Variants in SNTG1 observed in about 807,000 individuals in gnomAD.
SNTG1 encodes the protein gamma-1-syntrophin.
A neutral mutation model predicts 74.7 loss-of-function variants in SNTG1; 39 were observed. The observed-to-expected ratio is 0.52, with a 90% CI of 0.40 to 0.68. SNTG1 has a LOEUF of 0.68. Ranked by LOEUF, SNTG1 falls within the 30% of genes least tolerant of loss-of-function variation. The pLI, the probability that SNTG1 is intolerant of heterozygous loss-of-function variation, is 0.00. For synonymous variants in SNTG1, 254 were observed against 217.1 expected (o/e 1.17, Z -1.49); for missense variants, 685 against 609.5 (o/e 1.12, Z -1.30).
At chr8:50,210,149 G>A (rs2084446483) in intron 2 of SNTG1, among the ~76,000 whole-genome samples, 1 of 152,124 alleles carries the variant, frequency 6.6e-6, no homozygotes, top group Non-Finnish European at 1.5e-5. Context: ...TCAAATGAAT[G>A]AAATGAAGTG....
intron 9 of SNTG1, among the ~76,000 whole-genome samples, chr8:50,509,740 G>C (rs1253713727): frequency 6.6e-6 from 1 of 151,760 alleles, no homozygotes; most frequent in African/African-American, 2.4e-5. Flanking sequence ...TGTGTAAGAA[G>C]GCTTGTGAGT....
intron 1 of SNTG1, among the ~76,000 whole-genome samples, chr8:49,927,716 A>G (rs1212774610): frequency 1.3e-5 from 2 of 152,164 alleles, no homozygotes; most frequent in Non-Finnish European, 2.9e-5. Context: ...ATAGATTTTT[A>G]TCACAGTAAA....
chr8:50,380,462 T>C (rs2092462111), intron 2 of SNTG1, among the ~76,000 whole-genome samples: 1 of 152,228 alleles, frequency 6.6e-6, no homozygotes, highest in Non-Finnish European at 1.5e-5. Context: ...GATAACATTT[T>C]TCTCTTCAGT....
chr8:49,921,480 A>G (rs1183053406), intron 1 of SNTG1, among the ~76,000 whole-genome samples: 1 of 152,144 alleles, frequency 6.6e-6, no homozygotes, highest in Non-Finnish European at 1.5e-5. Context: ...CAGTAGAAAG[A>G]TCACGTTCAT....
At chr8:50,095,968 AT>A (rs2079910731) in intron 1 of SNTG1, among the ~76,000 whole-genome samples, 4 of 87,294 alleles carry the variant, frequency 4.6e-5, no homozygotes, top group African/African-American at 1.9e-4. Flanking sequence ...TATCTTAATT[AT>A]TATTACCTGA....
intron 1 of SNTG1, among the ~76,000 whole-genome samples, chr8:50,027,047 C>G (rs1817328489): frequency 6.6e-6 from 1 of 152,102 alleles, no homozygotes; most frequent in Non-Finnish European, 1.5e-5. Flanking sequence ...CCACTTCTAG[C>G]CTCCTTTCTT....
intron 1 of SNTG1, among the ~76,000 whole-genome samples, chr8:50,027,308 T>C (rs1321655267): frequency 1.3e-5 from 2 of 152,286 alleles, no homozygotes; most frequent in Non-Finnish European, 2.9e-5. Context: ...TCTCATCAGC[T>C]GGTAACCAGG....
chr8:50,134,142 G>A (rs1197522237), intron 1 of SNTG1, among the ~76,000 whole-genome samples: 1 of 152,180 alleles, frequency 6.6e-6, no homozygotes, highest in Non-Finnish European at 1.5e-5. Context: ...TAGTATCAGT[G>A]TTGGTGGTGG....
intron 13 of SNTG1, among the ~76,000 whole-genome samples, chr8:50,604,897 T>C (rs79915279): frequency 5.1e-4 from 77 of 152,268 alleles, no homozygotes; most frequent in South Asian, 2.7e-3. Context: ...CCAAAGGCCA[T>C]GGCATACGAA....
chr8:50,187,841 C>T (rs1348057160), intron 2 of SNTG1, among the ~76,000 whole-genome samples: 1 of 152,188 alleles, frequency 6.6e-6, no homozygotes. Flanking sequence ...CAAAGCTCTG[C>T]CCTTCCATGA....
At chr8:50,284,678 C>T (rs534792354) in intron 2 of SNTG1, among the ~76,000 whole-genome samples, 1 of 152,070 alleles carries the variant, frequency 6.6e-6, no homozygotes, top group Admixed American at 6.6e-5. Flanking sequence ...GTATAAGCTT[C>T]TTGATCATTT....
intron 13 of SNTG1, among the ~76,000 whole-genome samples, chr8:50,603,357 T>C (rs182556398): frequency 6.6e-6 from 1 of 152,336 alleles, no homozygotes; most frequent in East Asian, 1.9e-4. Context: ...GCTTGATTCT[T>C]TTAAACCATT....
chr8:50,704,220 A>G (rs2095435851), intron 15 of SNTG1, among the ~76,000 whole-genome samples: 1 of 152,194 alleles, frequency 6.6e-6, no homozygotes, highest in Non-Finnish European at 1.5e-5. Flanking sequence ...CTTAAAATTT[A>G]CAAACATGTT....
intron 2 of SNTG1, among the ~76,000 whole-genome samples, chr8:50,223,507 T>C (rs1410936762): frequency 6.6e-6 from 1 of 152,116 alleles, no homozygotes; most frequent in Non-Finnish European, 1.5e-5. Context: ...TATTTATCCT[T>C]ATTGAGTTTA....
intron 4 of SNTG1, among the ~76,000 whole-genome samples, chr8:50,426,571 TAA>T (rs1278845931): frequency 1.3e-5 from 2 of 151,852 alleles, no homozygotes; most frequent in African/African-American, 4.8e-5. Context: ...GTCAAAAAAA[TAA>T]AAAGTTTTAT....
At chr8:49,971,466 GC>G (rs1811667253) in intron 1 of SNTG1, among the ~76,000 whole-genome samples, 1 of 152,134 alleles carries the variant, frequency 6.6e-6, no homozygotes, top group Non-Finnish European at 1.5e-5. Context: ...CAAGACAGAT[GC>G]CCTCCCTCAC....
chr8:50,335,388 G>A (rs1206470527), intron 2 of SNTG1, among the ~76,000 whole-genome samples: 2 of 152,150 alleles, frequency 1.3e-5, no homozygotes, highest in African/African-American at 4.8e-5. Context: ...ACTGTTTCCT[G>A]TTCAAGGCTC....
intron 17 of SNTG1, 117 bp downstream of exon 17, chr8:50,709,095 C>A: frequency 1.2e-6 from 1 of 805,818 alleles, no homozygotes; most frequent in East Asian, 2.6e-5. Context: ...AATTTAAGAT[C>A]TTCGTTTTTG....
intron 8 of SNTG1, among the ~76,000 whole-genome samples, chr8:50,499,615 G>T (rs1192092537): frequency 2.0e-5 from 3 of 151,422 alleles, no homozygotes; most frequent in East Asian, 1.9e-4. Context: ...CTAAACTTAG[G>T]TCGTTAAGGC....
Sources: gnomAD v4.1 joint callset for allele counts (sites outside exome capture counted in the v4.1 genomes callset) on GRCh38, gnomAD v4.1.1 for gene constraint, MANE v1.5 for transcripts, NCBI Gene and HGNC (gene_info 2026-07-23, HGNC 2026-07-21) for gene names.